The following DNAH7 variants were observed in gnomAD, a reference collection of about 807,000 sequenced individuals.
The protein encoded by DNAH7 is dynein axonemal heavy chain 7, also known as axonemal beta dynein heavy chain 7.
A neutral mutation model predicts 444.6 loss-of-function variants in DNAH7; 397 were observed. That is an observed-to-expected ratio of 0.89 (90% CI 0.82 to 0.97). The LOEUF is 0.97. DNAH7 is among the 50% of genes least tolerant of loss of function. DNAH7 has a pLI of 0.00. For missense variants in DNAH7, 4,902 were observed against 4,800.8 expected (o/e 1.02, Z -0.62); for synonymous variants, 1,636 against 1,624.4 (o/e 1.01, Z -0.17).
At chr2:195,877,586 A>C (rs905698919) in intron 36 of DNAH7, among the ~76,000 whole-genome samples, 62 of 152,240 alleles carry the variant, frequency 4.1e-4, no homozygotes, top group African/African-American at 1.4e-3. Context: ...GAAATTCTGA[A>C]AGCATACTTT....
chr2:196,030,891 C>T (rs1696011444), intron 5 of DNAH7, among the ~76,000 whole-genome samples: 1 of 152,216 alleles, frequency 6.6e-6, no homozygotes. Flanking sequence ...GCGGCTTTTC[C>T]AGGCAAACGG....
Position 195,796,694 on chromosome 2 carries a change from C to T in DNAH7, c.10397G>A (p.Gly3466Asp), listed in dbSNP as rs1464380450. ...SKLSSLSLGQ[G>D]QGPIAMKMLE... Reference sequence around the variant, plus strand: ...CATCTTCATAGCAATGGGCCCTTGGCCTTGACCAAGAGATAAAGAGCTAAG... The same window carrying T: ...CATCTTCATAGCAATGGGCCCTTGGTCTTGACCAAGAGATAAAGAGCTAAG... Residue 3466 changes from glycine (G) to aspartate (D), a missense_variant, in exon 56 of 65, where the codon GGC (glycine) becomes GAC (aspartate). Gly to Asp is a moderately conservative substitution (Grantham distance 94, BLOSUM62 -1). Transcript: ENST00000312428. The T allele has an allele frequency of 6.2e-7, 1 of 1,613,996 alleles. No homozygotes were observed. Among genetic ancestry groups the T allele is most frequent in the Non-Finnish European group, 8.5e-7 (1 of 1,179,994 alleles).
At chr2:196,035,104 C>A (rs1052429341) in intron 5 of DNAH7, among the ~76,000 whole-genome samples, 1 of 152,034 alleles carries the variant, frequency 6.6e-6, no homozygotes, top group Non-Finnish European at 1.5e-5. Context: ...ATCGCTTGAA[C>A]CCAGGAGGCG....
chr2:195,993,294 T>C, intron 12 of DNAH7, among the ~76,000 whole-genome samples: 1 of 152,212 alleles, frequency 6.6e-6, no homozygotes, highest in East Asian at 1.9e-4. Flanking sequence ...CACACAGGTT[T>C]AGATGTTCTA....
At chr2:195,999,106 C>T (rs1236370068) in intron 12 of DNAH7, 1 of 717,112 alleles carries the variant, frequency 1.4e-6, no homozygotes, top group South Asian at 1.5e-5. Flanking sequence ...TTGGCATCTC[C>T]ATGTAAAGCC....
chr2:195,945,460 T>C (rs1031559706), intron 19 of DNAH7, among the ~76,000 whole-genome samples: 3 of 152,150 alleles, frequency 2.0e-5, no homozygotes, highest in African/African-American at 7.2e-5. Flanking sequence ...AAAAAAGTCA[T>C]GTGTTCACGA....
At chr2:196,029,373 T>A (rs892333085) in intron 5 of DNAH7, among the ~76,000 whole-genome samples, 2 of 152,034 alleles carry the variant, frequency 1.3e-5, no homozygotes, top group African/African-American at 4.8e-5. Flanking sequence ...GAAAGATGCA[T>A]CAGGGCAAGG....
chr2:195,974,728 AATATAT>A (rs1303898345), intron 15 of DNAH7, among the ~76,000 whole-genome samples: 1 of 148,662 alleles, frequency 6.7e-6, no homozygotes, highest in Non-Finnish European at 1.5e-5. Context: ...ATATTCTAAA[AATATAT>A]ATAGGCATGT....
chr2:195,976,754 A>AGAGAGAGAGAGAGAGAGAGAGAGAGAGT lies in DNAH7; in HGVS notation c.1834-4289_1834-4288insACTCTCTCTCTCTCTCTCTCTCTCTCTC, dbSNP rs1559294860. 7.8e-5 allele frequency among the ~76,000 whole-genome samples: 10 copies of AGAGAGAGAGAGAGAGAGAGAGAGAGAGT among 128,250 alleles called. No individual in the cohort carries two copies. The East Asian group carries it at 4.2e-3, about 54-fold the overall frequency. The allele number at this position is 128,250 out of a possible 152,430, so 84.1% of individuals were successfully genotyped here. On this transcript the variant is annotated intron_variant, in intron 15 of 64. Coordinates refer to ENST00000312428, the MANE Select transcript of DNAH7 (RefSeq NM_018897.3). ...GAGAGACAGAGAGGCAGACAGAGAGAGAGAGAGAGAGAGAGAGAGAGAGAG... is the reference window on the plus strand; with the variant it reads ...GAGAGACAGAGAGGCAGACAGAGAGAGAGAGAGAGAGAGAGAGAGAGAGAGAGTGAGAGAGAGAGAGAGAGAGAGAGAG...
chr2:195,865,053 C>T (rs1700249516), intron 40 of DNAH7, 32 bp from the exon 41 acceptor site: 2 of 1,524,818 alleles, frequency 1.3e-6, no homozygotes, highest in Non-Finnish European at 1.7e-6. Flanking sequence ...GCTTTAGAAA[C>T]TTTCTTCTGA....
chr2:195,914,809 A>G (rs1221900737), intron 24 of DNAH7, among the ~76,000 whole-genome samples: 1 of 152,080 alleles, frequency 6.6e-6, no homozygotes, highest in South Asian at 2.1e-4. Flanking sequence ...GATTACAGGC[A>G]TGTACCACCA....
intron 57 of DNAH7, among the ~76,000 whole-genome samples, chr2:195,789,815 T>A (rs567095134): frequency 2.1e-5 from 3 of 144,336 alleles, no homozygotes; most frequent in East Asian, 2.0e-4. Flanking sequence ...AGAGAGGAAG[T>A]CCTAGCCAGA....
chr2:195,923,430 C>G (rs1248086984), intron 23 of DNAH7, among the ~76,000 whole-genome samples, 165 bp downstream of exon 23: 1 of 152,218 alleles, frequency 6.6e-6, no homozygotes, highest in South Asian at 2.1e-4. Context: ...ACATAGTTAT[C>G]AGCAGCTTAA....
intron 15 of DNAH7, 77 bp downstream of exon 15, chr2:195,984,555 A>G: frequency 1.5e-6 from 2 of 1,379,160 alleles, no homozygotes; most frequent in South Asian, 2.4e-5. Flanking sequence ...TAACTTTTCG[A>G]GTGATTTGTT....
chr2:195,741,176 T>C (rs533283610), intron 63 of DNAH7: 20 of 160,492 alleles, frequency 1.2e-4, no homozygotes, highest in Non-Finnish European at 2.0e-4. Context: ...ATATTGTTAA[T>C]TGGTCAATGA....
At chr2:196,015,703 C>T (rs1332209536) in intron 9 of DNAH7, among the ~76,000 whole-genome samples, 2 of 152,168 alleles carry the variant, frequency 1.3e-5, no homozygotes, top group South Asian at 2.1e-4. Context: ...CACTCAGACA[C>T]GTTTTTGCAT....
chr2:195,770,478 T>A (rs1694782781), intron 61 of DNAH7, among the ~76,000 whole-genome samples: 1 of 152,146 alleles, frequency 6.6e-6, no homozygotes, highest in Admixed American at 6.5e-5. Flanking sequence ...TTTCTACTTG[T>A]GTTCCTGGAC....
chr2:196,047,593 T>C, intron 4 of DNAH7, 94 bp from the exon 5 acceptor site: 7 of 1,124,048 alleles, frequency 6.2e-6, no homozygotes, highest in Non-Finnish European at 8.4e-6. Context: ...AATCACCTTT[T>C]AATAAAAAAT....
intron 29 of DNAH7, among the ~76,000 whole-genome samples, chr2:195,896,312 T>A (rs1206066962): frequency 6.6e-6 from 1 of 152,204 alleles, no homozygotes; most frequent in East Asian, 1.9e-4. Context: ...TATGTTTATA[T>A]TTTTCCTGAT....
Sources: gnomAD v4.1 joint callset for allele counts (sites outside exome capture counted in the v4.1 genomes callset) on GRCh38, gnomAD v4.1.1 for gene constraint, MANE v1.5 for transcripts, NCBI Gene and HGNC (gene_info 2026-07-23, HGNC 2026-07-21) for gene names.